SSH1: variants seen among roughly 807,000 people sequenced by gnomAD.
The protein encoded by SSH1 is protein phosphatase Slingshot homolog 1.
Under a neutral mutation model 79.7 loss-of-function variants are expected in SSH1, and 43 were observed. The observed-to-expected ratio is 0.54, with a 90% CI of 0.42 to 0.70. The LOEUF (loss-of-function observed/expected upper bound fraction) is 0.70, where lower values mean the gene tolerates loss of function less well. Ranked by LOEUF, SSH1 falls within the 30% of genes least tolerant of loss-of-function variation. The pLI, the probability that SSH1 is intolerant of heterozygous loss-of-function variation, is 0.00. For missense variants in SSH1, 1,206 were observed against 1,358.8 expected (o/e 0.89, Z 1.77); for synonymous variants, 599 against 538.3 (o/e 1.11, Z -1.56).
chr12:108,853,003 T>C, intron 1 of SSH1: 1 of 985,358 alleles, frequency 1.0e-6, no homozygotes, highest in Non-Finnish European at 1.2e-6. Context: ...TCCGAGGTTG[T>C]TCTGGACCTT....
At chr12:108,831,609 C>A (rs1452973886) in intron 2 of SSH1, among the ~76,000 whole-genome samples, 1 of 152,062 alleles carries the variant, frequency 6.6e-6, no homozygotes. Flanking sequence ...CACGTACACA[C>A]AGGGGTTCAG....
In SSH1 at chr12:108,795,262, CT is replaced by C. The variant is rs1203964983; in HGVS notation, c.1350-2434del. ...CTATTGGGTGGGTATTCTTTAAAAACTTTTTTTTTTTTGGAGGTGAAGTCTC... is the reference window on the plus strand; with the variant it reads ...CTATTGGGTGGGTATTCTTTAAAAACTTTTTTTTTTTGGAGGTGAAGTCTC... On this transcript the variant is annotated intron_variant, in intron 13 of 14. Coordinates refer to ENST00000326495, the MANE Select transcript of SSH1 (RefSeq NM_018984.4). Among the ~76,000 whole-genome samples, 226 of 146,216 alleles carry C rather than the reference CT, an allele frequency of 1.5e-3. 4 individuals are homozygous for C. Among genetic ancestry groups the C allele is most frequent in the South Asian group, 2.0e-3 (9 of 4,608 alleles).
intron 13 of SSH1, 145 bp from the exon 14 acceptor site, chr12:108,792,974 C>A: frequency 1.0e-6 from 1 of 977,850 alleles, no homozygotes; most frequent in Non-Finnish European, 1.5e-6. Context: ...AAGCCTCTCT[C>A]TGTTCATTTG....
At position 108,788,160 on chromosome 12, in the gene SSH1, G is replaced by C. The variant is rs2036343734; in HGVS notation, c.2978C>G (p.Ser993Cys). The change falls in exon 15 of 15, where the codon TCC becomes TGC. Residue 993 changes from serine (S) to cysteine (C), a missense_variant. Coordinates refer to ENST00000326495, the MANE Select transcript of SSH1 (RefSeq NM_018984.4). ...GACGGTGGACGGGTCAGCCTCACTG[G>C]ACAGGTCTTCCGTTGAGAAGGTGAG... ...GSLTFSTEDL[S>C]SEADPSTVAD... The C allele has an allele frequency of 1.9e-6, 3 of 1,614,028 alleles. No individual in the cohort carries two copies. Among genetic ancestry groups the C allele is most frequent in the Non-Finnish European group, 8.5e-7 (1 of 1,180,024 alleles).
Position 108,818,284 on chromosome 12 carries a change from T to A in SSH1, c.244A>T (p.Ile82Phe). 2 of 1,613,974 alleles carry A rather than the reference T, an allele frequency of 1.2e-6. No individual in the cohort carries two copies. Among genetic ancestry groups the A allele is most frequent in the Non-Finnish European group, 8.5e-7 (1 of 1,180,004 alleles). Residue 82 changes from isoleucine to phenylalanine, a missense_variant, in exon 4 of 15, where the codon ATC (isoleucine) becomes TTC (phenylalanine). By Grantham distance (21) the Ile-to-Phe change is conservative. Around this residue, in one of 5 missense-constraint regions of SSH1, gnomAD observed 115 missense variants for 173.9 expected, o/e 0.66. Transcript: ENST00000326495. ...GDLPQHLQVM[I>F]NLLRCEDRIK... Reference sequence around the variant, plus strand: ...CTGTCTTCGCAACGCAGAAGGTTGATCATCACCTGAAGATGTTGAGGCAGA... The same window carrying A: ...CTGTCTTCGCAACGCAGAAGGTTGAACATCACCTGAAGATGTTGAGGCAGA...
rs1371729163 is a variant in SSH1 at position 108,857,377 on chromosome 12, T to C, written c.69+51A>G. On this transcript the variant is annotated intron_variant, in intron 1 of 14. Coordinates refer to ENST00000326495, the MANE Select transcript of SSH1 (RefSeq NM_018984.4). The surrounding 1 kb of genome is among the most constrained non-coding windows in gnomAD (Gnocchi z 4.7). Reference sequence around the variant, plus strand: ...ACGCGCGGCCCCAGCTCCGGCGGCCTCGGCGCGGCGTCCGGCGGCCCAGGC... The same window carrying C: ...ACGCGCGGCCCCAGCTCCGGCGGCCCCGGCGCGGCGTCCGGCGGCCCAGGC... 5.1e-6 allele frequency: 5 copies of C among 971,960 alleles called. No individual in the cohort carries two copies. The highest frequency in any genetic ancestry group is 6.1e-6 in the Non-Finnish European group (5 of 819,644). 60.2% of individuals were successfully genotyped at this position (971,960 alleles called of 1,614,324 possible).
chr12:108,792,698 A>G lies in SSH1; in HGVS notation c.1481T>C (p.Phe494Ser). The G allele has an allele frequency of 6.2e-7, 1 of 1,613,164 alleles. No homozygotes were observed. The highest frequency in any genetic ancestry group is 8.5e-7 in the Non-Finnish European group (1 of 1,179,996). ...PDGTPESQLP[F>S]LDDAAQPGLG... ...GCCGGGCTGGGCGGCATCATCCAAG[A>G]AGGGCAGCTGGCTTTCCGGGGTGCC... The change falls in exon 14 of 15, where the codon TTC (phenylalanine) becomes TCC (serine). Residue 494 changes from phenylalanine to serine, a missense_variant. By Grantham distance (155) the Phe-to-Ser change is radical (BLOSUM62 -2). Coordinates refer to ENST00000326495, the MANE Select transcript of SSH1 (RefSeq NM_018984.4).
intron 2 of SSH1, among the ~76,000 whole-genome samples, chr12:108,843,795 A>T (rs999704208): frequency 6.6e-6 from 1 of 152,182 alleles, no homozygotes; most frequent in African/African-American, 2.4e-5. Context: ...TCGGCCTCCC[A>T]AAGTGCTAGG....
chr12:108,781,334 T>C lies in SSH1; in HGVS notation c.*6654A>G, dbSNP rs980838504. The C allele has an allele frequency of 3.3e-5, 5 of 151,022 alleles. No homozygotes were observed. Among genetic ancestry groups the C allele is most frequent in the African/African-American group, 9.8e-5 (4 of 40,976 alleles). 9.4% of individuals were successfully genotyped at this position (151,022 alleles called of 1,614,324 possible). ...AGCTACTTGGGAGGCTGAGGCAGGA[T>C]TGCTGGAGCCCAGGAGATCAACACT... On this transcript the variant is annotated 3_prime_UTR_variant, in exon 15 of 15. Transcript: ENST00000326495.
chr12:108,792,104 C>T (rs906085488), intron 14 of SSH1, 182 bp downstream of exon 14: 3 of 1,470,636 alleles, frequency 2.0e-6, no homozygotes, highest in Admixed American at 2.6e-5. Flanking sequence ...GCAGAATCAC[C>T]CTGTGAAAGA....
At chr12:108,796,382 C>T (rs2036753116) in intron 13 of SSH1, among the ~76,000 whole-genome samples, 1 of 152,236 alleles carries the variant, frequency 6.6e-6, no homozygotes. Context: ...CAGTCCCTGG[C>T]AACCACCATT....
Position 108,807,707 on chromosome 12 carries a change from G to A in SSH1, c.657C>T (p.Ser219=). The A allele has an allele frequency of 2.5e-6, 4 of 1,613,454 alleles. No homozygotes were observed. The highest frequency in any genetic ancestry group is 3.4e-6 in the Non-Finnish European group (4 of 1,179,582). Residue 219 remains serine, a synonymous_variant, in exon 8 of 15, where the codon AGC becomes AGT. Transcript: ENST00000326495. The surrounding 1 kb of genome is among the most constrained non-coding windows in gnomAD (Gnocchi z 5.2). The part of the protein sequence containing the change: ...YYESCISSEQ[S]CINEWNAMQD... ...GCATGGCGTTCCACTCGTTGATGCAGCTCTGCTCGGAGCTGATGCAGCTCT... is the reference window on the plus strand; with the variant it reads ...GCATGGCGTTCCACTCGTTGATGCAACTCTGCTCGGAGCTGATGCAGCTCT...
Position 108,788,617 on chromosome 12 carries a change from G to C in SSH1, c.2521C>G (p.Pro841Ala), listed in dbSNP as rs756217307. ...RLKSVPADPA[P>A]PSRDGPASRL... Reference sequence around the variant, plus strand: ...CTGGCAGGGCCATCCCTGGAGGGAGGTGCTGGGTCTGCAGGCACGCTCTTC... The same window carrying C: ...CTGGCAGGGCCATCCCTGGAGGGAGCTGCTGGGTCTGCAGGCACGCTCTTC... Residue 841 changes from proline to alanine, a missense_variant, in exon 15 of 15, where the codon CCT becomes GCT. Around this residue, in one of 5 missense-constraint regions of SSH1, gnomAD observed 709 missense variants for 730.6 expected, o/e 0.97. Transcript: ENST00000326495. The C allele has an allele frequency of 1.3e-5, 21 of 1,610,726 alleles. No individual in the cohort carries two copies. The highest frequency in any genetic ancestry group is 1.5e-5 in the Non-Finnish European group (18 of 1,177,400).
intron 2 of SSH1, among the ~76,000 whole-genome samples, chr12:108,837,583 T>C (rs369353747): frequency 6.6e-6 from 1 of 152,262 alleles, no homozygotes; most frequent in Admixed American, 6.5e-5. Context: ...GCAATTCTTA[T>C]GTAAGCTGGA....
intron 11 of SSH1, among the ~76,000 whole-genome samples, chr12:108,801,489 G>A (rs2037002288): frequency 6.6e-6 from 1 of 151,956 alleles, no homozygotes; most frequent in Admixed American, 6.6e-5. Flanking sequence ...TCTCAAATAG[G>A]TTTCATAATA....
intron 9 of SSH1, among the ~76,000 whole-genome samples, chr12:108,805,387 A>G (rs957786300): frequency 2.0e-5 from 3 of 152,230 alleles, no homozygotes; most frequent in African/African-American, 7.2e-5. Flanking sequence ...AAGTAAACCC[A>G]ACTGGGTAAA....
chr12:108,838,665 G>A (rs1025413614), intron 2 of SSH1, among the ~76,000 whole-genome samples: 1 of 152,198 alleles, frequency 6.6e-6, no homozygotes, highest in Non-Finnish European at 1.5e-5. Flanking sequence ...GGTAATTGGT[G>A]GGATAGGCAT....
chr12:108,857,579 C>T lies in SSH1; in HGVS notation c.-83G>A. 3 of 838,138 alleles carry T rather than the reference C, an allele frequency of 3.6e-6. No homozygotes were observed. The highest frequency in any genetic ancestry group is 4.3e-6 in the Non-Finnish European group (3 of 698,336). The allele number at this position is 838,138 out of a possible 1,614,324, so 51.9% of individuals were successfully genotyped here. Reference sequence around the variant, plus strand: ...CCGCCGCCCGGGCCGGGCCCGGGGCCTCCTGGAGCCGCGCGCGGGCGGCCG... The same window carrying T: ...CCGCCGCCCGGGCCGGGCCCGGGGCTTCCTGGAGCCGCGCGCGGGCGGCCG... On this transcript the variant is annotated 5_prime_UTR_variant, in exon 1 of 15. Coordinates refer to ENST00000326495, the MANE Select transcript of SSH1 (RefSeq NM_018984.4). This position sits in a 1 kb window ranked among gnomAD's most constrained non-coding sequence, Gnocchi z 4.7.
intron 4 of SSH1, among the ~76,000 whole-genome samples, chr12:108,817,797 A>C (rs1215783503): frequency 1.3e-5 from 2 of 152,228 alleles, no homozygotes; most frequent in African/African-American, 4.8e-5. Context: ...GGAACTGAGG[A>C]GTCAACCTGG....
Sources: allele counts gnomAD v4.1 joint callset (sites outside exome capture counted in the v4.1 genomes callset), GRCh38; gene constraint gnomAD v4.1.1; regional missense constraint gnomAD v4.1.1; non-coding constraint Gnocchi (gnomAD v3.1); transcripts MANE v1.5; gene names NCBI Gene and HGNC (gene_info 2026-07-23, HGNC 2026-07-21).